RGS12: variants seen among roughly 807,000 people sequenced by gnomAD.
RGS12 encodes the protein regulator of G-protein signaling 12.
In RGS12, 66 loss-of-function variants were observed where a neutral mutation model predicts 120.1. The ratio of observed to expected loss-of-function variants is 0.55; its 90% CI spans 0.45 to 0.67. RGS12 has a LOEUF of 0.67. Among genes scored for constraint, RGS12 ranks in the 30% least tolerant of loss-of-function variants. RGS12 has a pLI of 0.00. For synonymous variants in RGS12, 827 were observed against 804.7 expected, an observed-to-expected ratio of 1.03 and a Z score of -0.47; for missense variants, 1,859 against 1,957.7, an observed-to-expected ratio of 0.95 and a Z score of 0.95.
At position 3,318,028 on chromosome 4, in the gene RGS12, C is replaced by T. The variant is rs776585373; in HGVS notation, c.1858C>T (p.Arg620Ter). The T allele has an allele frequency of 2.5e-6, 4 of 1,598,608 alleles. No individual in the cohort carries two copies. Among genetic ancestry groups the T allele is most frequent in the Non-Finnish European group, 1.7e-6 (2 of 1,171,448 alleles). The change falls in exon 2 of 18, where the codon CGA (arginine) becomes TGA (stop). Residue 620 changes from arginine (R) to a stop codon, truncating the protein, a stop_gained. Coordinates refer to ENST00000336727, the MANE Select transcript of RGS12 (RefSeq NM_001394154.1). LOFTEE classifies it high-confidence loss of function. Reference protein sequence around the residue: ...QSIFGPHRNVRKTKEDKKGSK... With the variant: ...QSIFGPHRNV ...CATTTTTGGTCCCCATCGAAATGTT[C>T]GAAAGACTAAGGAAGATAAAAAGGT...
At chr4:3,401,194 C>A (rs1409902408) in intron 4 of RGS12, among the ~76,000 whole-genome samples, 1 of 152,090 alleles carries the variant, frequency 6.6e-6, no homozygotes, top group Admixed American at 6.5e-5. Context: ...ATTCGACAGA[C>A]CAACACCAAA....
rs1013048243 is a variant in RGS12, at chr4:3,372,497, T to G, written c.1999-13919T>G. On this transcript the variant is annotated intron_variant, in intron 3 of 17. Transcript: ENST00000336727. The surrounding 1 kb of genome is among the most constrained non-coding windows in gnomAD (Gnocchi z 4.3). ...GCCCGAGCTGTTGGCTTCCCCGATG[T>G]TCCCCCTGTGCTCGAGCTAGGGGTT... Among the ~76,000 whole-genome samples, 1 of 152,212 alleles carries G rather than the reference T, an allele frequency of 6.6e-6. No homozygotes were observed. Among genetic ancestry groups the G allele is most frequent in the African/African-American group, 2.4e-5 (1 of 41,462 alleles).
At chr4:3,421,743 G>A (rs941597665) in intron 10 of RGS12, among the ~76,000 whole-genome samples, 1 of 152,202 alleles carries the variant, frequency 6.6e-6, no homozygotes, top group African/African-American at 2.4e-5. Context: ...GCTTGGAGCC[G>A]CTCCTTCTGC....
At chr4:3,318,970 T>G (rs1405405687) in intron 2 of RGS12, among the ~76,000 whole-genome samples, 12 of 152,232 alleles carry the variant, frequency 7.9e-5, no homozygotes, top group Non-Finnish European at 1.8e-4. Flanking sequence ...ACCTTTTTAG[T>G]GTTTGTTCAC....
At chr4:3,303,013 C>A (rs1465685078) in intron 1 of RGS12, among the ~76,000 whole-genome samples, 5 of 152,170 alleles carry the variant, frequency 3.3e-5, no homozygotes, top group Admixed American at 6.5e-5. Context: ...CCTGGAGCTG[C>A]TGCAGAAGCC....
intron 4 of RGS12, among the ~76,000 whole-genome samples, chr4:3,393,216 C>T (rs1719684662): frequency 6.6e-6 from 1 of 152,170 alleles, no homozygotes; most frequent in African/African-American, 2.4e-5. Flanking sequence ...CATTTGGGGA[C>T]TCCTCTAAAA....
intron 3 of RGS12, among the ~76,000 whole-genome samples, chr4:3,355,376 C>T (rs561586940): frequency 6.9e-4 from 105 of 152,180 alleles, no homozygotes; most frequent in African/African-American, 2.2e-3. Flanking sequence ...AAATCGTTAC[C>T]GGAAGTCCTG....
chr4:3,393,258 C>T (rs1015259012), intron 4 of RGS12, among the ~76,000 whole-genome samples: 1 of 152,210 alleles, frequency 6.6e-6, no homozygotes, highest in African/African-American at 2.4e-5. Flanking sequence ...GGCTGGAACT[C>T]GGGAACCCCC....
intron 2 of RGS12, among the ~76,000 whole-genome samples, chr4:3,327,558 G>A (rs1212000793): frequency 1.3e-5 from 2 of 152,134 alleles, no homozygotes; most frequent in African/African-American, 4.8e-5. Flanking sequence ...CAGAATATAT[G>A]AGCACTCAAA....
At chr4:3,413,441 CTG>C (rs1445362823) in intron 4 of RGS12, 1 of 152,256 alleles carries the variant, frequency 6.6e-6, no homozygotes, top group East Asian at 1.9e-4. Flanking sequence ...GCTCTGGACA[CTG>C]TGCCTGAGAG....
In RGS12 at chr4:3,304,168, A is replaced by T. The variant is rs578143887; in HGVS notation, c.-102+11069A>T. On this transcript the variant is annotated intron_variant, in intron 1 of 17. Coordinates refer to ENST00000336727, the MANE Select transcript of RGS12 (RefSeq NM_001394154.1). ...GGATTTGAAATGTTAAAACCTCAAGAAGTGACATTTATTAAAAACCCACGA... is the reference window on the plus strand; with the variant it reads ...GGATTTGAAATGTTAAAACCTCAAGTAGTGACATTTATTAAAAACCCACGA... Among the ~76,000 whole-genome samples the T allele has an allele frequency of 4.6e-5, 7 of 152,362 alleles. No individual in the cohort carries two copies. In the East Asian group the frequency reaches 1.3e-3, roughly 29 times the overall value.
At chr4:3,318,841 C>T (rs1221609146) in intron 2 of RGS12, among the ~76,000 whole-genome samples, 3 of 152,162 alleles carry the variant, frequency 2.0e-5, no homozygotes, top group African/African-American at 7.2e-5. Context: ...CCAGAGGCGG[C>T]GCTGCCGTGT....
chr4:3,414,700 A>T, intron 5 of RGS12, 52 bp from the exon 6 acceptor site: 1 of 1,336,426 alleles, frequency 7.5e-7, no homozygotes, highest in Non-Finnish European at 1.1e-6. Flanking sequence ...GGAAGTAGGA[A>T]AAAGGAGGAC....
rs538191833 is a variant in RGS12 at position 3,338,312 on chromosome 4, G to A, written c.1882-4625G>A. ...CAACCTCAGGTGGTCCACCCGCCTC[G>A]GCCTCCCAAAGAGTTGGGATTACAG... On this transcript the variant is annotated intron_variant, in intron 2 of 17. Coordinates refer to ENST00000336727, the MANE Select transcript of RGS12 (RefSeq NM_001394154.1). Among the ~76,000 whole-genome samples the A allele has an allele frequency of 1.1e-3, 164 of 152,336 alleles. 1 individual carries two copies. Among genetic ancestry groups the A allele is most frequent in the African/African-American group, 3.6e-3 (150 of 41,574 alleles).
At chr4:3,422,354 T>C (rs777477130) in intron 10 of RGS12, 22 bp from the exon 11 acceptor site, 3 of 1,600,448 alleles carry the variant, frequency 1.9e-6, no homozygotes, top group Non-Finnish European at 2.6e-6. Flanking sequence ...CCCTCACGGC[T>C]GCTTGTCTCG....
At chr4:3,307,195 C>T (rs779448023) in intron 1 of RGS12, among the ~76,000 whole-genome samples, 6 of 152,174 alleles carry the variant, frequency 3.9e-5, no homozygotes, top group Non-Finnish European at 5.9e-5. Context: ...CGGCCTTTGC[C>T]GACGTGTTGC....
At chr4:3,427,421 A>G (rs1176526564) in intron 14 of RGS12, among the ~76,000 whole-genome samples, 1 of 152,248 alleles carries the variant, frequency 6.6e-6, no homozygotes, top group African/African-American at 2.4e-5. Flanking sequence ...TGGCCCTGGC[A>G]TGGGGCAAAG....
chr4:3,362,704 TGA>T lies in RGS12; in HGVS notation c.1998+19653_1998+19654del, dbSNP rs533294521. Among the ~76,000 whole-genome samples the T allele has an allele frequency of 1.4e-3, 200 of 140,662 alleles. 1 individual carries two copies. Among genetic ancestry groups the T allele is most frequent in the African/African-American group, 5.2e-3 (190 of 36,622 alleles). 92.3% of individuals were successfully genotyped at this position (140,662 alleles called of 152,430 possible). On this transcript the variant is annotated intron_variant, in intron 3 of 17. Transcript: ENST00000336727. ...GTGAGGGTGTGTGTGAGGGTGTGTG[TGA>T]GGCTGTGTGAGGGTGAGGGTGCGAG...
At chr4:3,414,011 A>G in intron 4 of RGS12, 61 bp from the exon 5 acceptor site, 3 of 1,465,270 alleles carry the variant, frequency 2.0e-6, no homozygotes, top group Non-Finnish European at 2.7e-6. Context: ...GGGCGGGCAG[A>G]GCAGTCACTG....
Sources: allele counts gnomAD v4.1 joint callset (sites outside exome capture counted in the v4.1 genomes callset), GRCh38; gene constraint gnomAD v4.1.1; non-coding constraint Gnocchi (gnomAD v3.1); transcripts MANE v1.5; gene names NCBI Gene and HGNC (gene_info 2026-07-23, HGNC 2026-07-21).